The following XNDC1N variants were observed in gnomAD, a reference collection of about 807,000 sequenced individuals.
XNDC1N encodes protein XNDC1N.
the XNDC1N span, chr11:71,914,274 T>TCATG: frequency 2.2e-6 from 1 of 456,198 alleles, no homozygotes; most frequent in Non-Finnish European, 4.4e-6. Context: ...TACTGGTGAT[T>TCATG]CATGGGAGGA....
At chr11:71,914,631 G>C in the XNDC1N span, among the ~76,000 whole-genome samples, 96 of 151,696 alleles carry the variant, frequency 6.3e-4, no homozygotes, top group Admixed American at 1.1e-3. Context: ...AGGTTGCAGT[G>C]AGCCGAGATC....
chr11:71,893,390 G>C, the XNDC1N span: 2 of 680,928 alleles, frequency 2.9e-6, no homozygotes, highest in Admixed American at 2.1e-5. Context: ...TGAATTGCTT[G>C]CATCCAGCAT....
chr11:71,914,246 CTTGGA>C, the XNDC1N span: 1 of 455,412 alleles, frequency 2.2e-6, no homozygotes, highest in Non-Finnish European at 4.4e-6. Flanking sequence ...AATTTACCAT[CTTGGA>C]TGCCATTAAG....
At chr11:71,878,458 G>C in the XNDC1N span, 1 of 1,611,620 alleles carries the variant, frequency 6.2e-7, no homozygotes, top group African/African-American at 1.3e-5. Context: ...CAACCATGAG[G>C]GTCTTGTTTT....
chr11:71,886,802 CAA>C, the XNDC1N span, among the ~76,000 whole-genome samples: 1 of 152,008 alleles, frequency 6.6e-6, no homozygotes, highest in South Asian at 2.1e-4. Context: ...AGGAAAACGG[CAA>C]AGAGAATGGA....
the XNDC1N span, chr11:71,904,182 G>A: frequency 2.4e-6 from 1 of 419,654 alleles, no homozygotes; most frequent in Non-Finnish European, 4.8e-6. Context: ...AAGGCAGCAA[G>A]GTCAAATAAG....
At chr11:71,926,598 G>A in the XNDC1N span, among the ~76,000 whole-genome samples, 2,858 of 152,180 alleles carry the variant, frequency 0.019, 81 homozygotes, top group African/African-American at 0.066. Context: ...ACCTCACAAC[G>A]TATCTAAAAA....
chr11:71,894,104 C>CTTTATAGTA, the XNDC1N span: 1 of 480,366 alleles, frequency 2.1e-6, no homozygotes, highest in Admixed American at 3.3e-5. Flanking sequence ...CTTCCCATTT[C>CTTTATAGTA]AGGGATCCTT....
At chr11:71,866,561 C>T in the XNDC1N span, among the ~76,000 whole-genome samples, 2 of 152,228 alleles carry the variant, frequency 1.3e-5, no homozygotes, top group Admixed American at 1.3e-4. Context: ...GTCAGGAGTT[C>T]AAGACCAGCC....
At chr11:71,874,800 G>A in the XNDC1N span, among the ~76,000 whole-genome samples, 31 of 152,214 alleles carry the variant, frequency 2.0e-4, no homozygotes, top group East Asian at 7.7e-4. Flanking sequence ...TACTCATTTC[G>A]TTTGACCTTA....
chr11:71,895,841 T>A, the XNDC1N span, among the ~76,000 whole-genome samples: 1 of 152,162 alleles, frequency 6.6e-6, no homozygotes, highest in Non-Finnish European at 1.5e-5. Context: ...ACACACCCAA[T>A]GAAGTATTAT....
chr11:71,893,024 A>G, the XNDC1N span, among the ~76,000 whole-genome samples: 2 of 152,212 alleles, frequency 1.3e-5, no homozygotes, highest in Non-Finnish European at 2.9e-5. Context: ...GTCCTTTTAC[A>G]TATTCTACAT....
At chr11:71,893,620 T>C in the XNDC1N span, 393 of 1,077,062 alleles carry the variant, frequency 3.6e-4, 2 homozygotes, top group South Asian at 4.7e-3. Context: ...GGCTGTCAGC[T>C]CTGACTCCCC....
the XNDC1N span, among the ~76,000 whole-genome samples, chr11:71,922,155 G>A: frequency 1.4e-4 from 22 of 152,202 alleles, no homozygotes; most frequent in African/African-American, 5.1e-4. Context: ...GCGAGACTCC[G>A]TCTAAAAAAA....
the XNDC1N span, among the ~76,000 whole-genome samples, chr11:71,924,869 T>C: frequency 1.5e-3 from 221 of 152,294 alleles, 2 homozygotes; most frequent in African/African-American, 4.1e-3. Context: ...TGTCTTTAGG[T>C]GGAATCTCTT....
the XNDC1N span, among the ~76,000 whole-genome samples, chr11:71,911,849 C>A: frequency 0.032 from 4,882 of 152,270 alleles, 76 homozygotes; most frequent in East Asian, 0.076. Context: ...GACTCAGAGG[C>A]TCCAAAAGCA....
the XNDC1N span, chr11:71,903,656 T>C: frequency 2.1e-6 from 1 of 482,242 alleles, no homozygotes; most frequent in South Asian, 2.1e-5. Context: ...TTTTCTTTTT[T>C]TTTTTTTCCC....
At chr11:71,917,235 A>C in the XNDC1N span, 2 of 612,470 alleles carry the variant, frequency 3.3e-6, no homozygotes, top group African/African-American at 3.7e-5. Context: ...GCTGGTCTCG[A>C]ACTCCTGACC....
At chr11:71,913,270 G>C in the XNDC1N span, among the ~76,000 whole-genome samples, 1 of 151,950 alleles carries the variant, frequency 6.6e-6, no homozygotes, top group African/African-American at 2.4e-5. Flanking sequence ...GCGGTCCTGG[G>C]AGTAATATCA....
Sources: gnomAD v4.1 joint callset for allele counts (sites outside exome capture counted in the v4.1 genomes callset) on GRCh38, gnomAD v4.1.1 for gene constraint, MANE v1.5 for transcripts, NCBI Gene and HGNC (gene_info 2026-07-23, HGNC 2026-07-21) for gene names.